The following DEPDC1B variants were observed in gnomAD, a reference collection of about 807,000 sequenced individuals.
DEPDC1B encodes the protein DEP domain containing 1B, also known as DEP domain-containing protein 1B.
Under a neutral mutation model 66.5 loss-of-function variants are expected in DEPDC1B, and 51 were observed. That is an observed-to-expected ratio of 0.77 (90% CI 0.61 to 0.97). The LOEUF is 0.97. Among genes scored for constraint, DEPDC1B ranks in the 50% least tolerant of loss-of-function variants. DEPDC1B has a pLI of 0.00. For missense variants in DEPDC1B, 552 were observed against 637.1 expected, an observed-to-expected ratio of 0.87 and a Z score of 1.44; for synonymous variants, 226 against 223.6, an observed-to-expected ratio of 1.01 and a Z score of -0.10.
intron 2 of DEPDC1B, among the ~76,000 whole-genome samples, chr5:60,679,549 A>G (rs1754245914): frequency 6.6e-6 from 1 of 152,226 alleles, no homozygotes; most frequent in Non-Finnish European, 1.5e-5. Context: ...ACAAAAAAGA[A>G]AAAAGAGAAG....
intron 2 of DEPDC1B, among the ~76,000 whole-genome samples, chr5:60,670,023 G>A (rs1296011313): frequency 2.6e-5 from 4 of 151,994 alleles, no homozygotes; most frequent in African/African-American, 4.8e-5. Context: ...GGTGAAAACT[G>A]CACCGAAATA....
At chr5:60,664,761 T>C (rs574215368) in intron 2 of DEPDC1B, among the ~76,000 whole-genome samples, 113 of 152,270 alleles carry the variant, frequency 7.4e-4, no homozygotes, top group African/African-American at 2.5e-3. Flanking sequence ...GCAGAACTAA[T>C]AGCCCTCATT....
chr5:60,599,466 T>C (rs1241744339), intron 9 of DEPDC1B, among the ~76,000 whole-genome samples: 1 of 152,244 alleles, frequency 6.6e-6, no homozygotes, highest in East Asian at 1.9e-4. Context: ...CGGTTTTAAA[T>C]TGGATTTTTA....
At position 60,681,638 on chromosome 5, in the gene DEPDC1B, C is replaced by T. The variant is rs566142334; in HGVS notation, c.314+5324G>A. On this transcript the variant is annotated intron_variant, in intron 2 of 10. Transcript: ENST00000265036. ...AAACCTCCAAAGAGACGCAATCATT[C>T]CCCATTAACATCTCAAAGAAAAGGA... Among the ~76,000 whole-genome samples the T allele has an allele frequency of 2.6e-4, 40 of 152,250 alleles. 1 individual carries two copies. The highest frequency in any genetic ancestry group is 4.0e-4 in the Non-Finnish European group (27 of 68,014).
intron 2 of DEPDC1B, among the ~76,000 whole-genome samples, chr5:60,677,980 T>C (rs146320420): frequency 1.9e-3 from 290 of 152,232 alleles, no homozygotes; most frequent in African/African-American, 6.6e-3. Flanking sequence ...TATTGGGTAG[T>C]GATGAAAGAA....
At chr5:60,662,371 G>C (rs1307892560) in intron 2 of DEPDC1B, among the ~76,000 whole-genome samples, 2 of 152,014 alleles carry the variant, frequency 1.3e-5, no homozygotes, top group Admixed American at 6.6e-5. Flanking sequence ...CTGGGCAACA[G>C]AGTGAGACTC....
intron 7 of DEPDC1B, among the ~76,000 whole-genome samples, chr5:60,618,199 A>AT (rs59679635): frequency 0.72 from 110,001 of 152,098 alleles, 40,995 homozygotes; most frequent in African/African-American, 0.92. Context: ...AAGATCTAAA[A>AT]TGACACCCTA....
intron 2 of DEPDC1B, among the ~76,000 whole-genome samples, chr5:60,668,085 TTA>T (rs373220679): frequency 0.045 from 2,016 of 44,496 alleles, 152 homozygotes; most frequent in East Asian, 0.11. Context: ...AATGGATATT[TTA>T]TATATATATA....
At chr5:60,631,623 T>C (rs1289557380) in intron 7 of DEPDC1B, among the ~76,000 whole-genome samples, 1 of 152,248 alleles carries the variant, frequency 6.6e-6, no homozygotes. Flanking sequence ...TTATTTCTCA[T>C]CCTGATAAGT....
At chr5:60,665,762 A>G (rs1231733422) in intron 2 of DEPDC1B, among the ~76,000 whole-genome samples, 1 of 152,240 alleles carries the variant, frequency 6.6e-6, no homozygotes, top group African/African-American at 2.4e-5. Flanking sequence ...TAGCTGGGAA[A>G]GGTGACTGCA....
chr5:60,608,020 T>C (rs182498397), intron 7 of DEPDC1B, among the ~76,000 whole-genome samples: 6 of 152,288 alleles, frequency 3.9e-5, no homozygotes, highest in Non-Finnish European at 8.8e-5. Context: ...CACTGGTGGG[T>C]TCTGAACAGA....
chr5:60,667,971 T>A (rs1351898816), intron 2 of DEPDC1B, among the ~76,000 whole-genome samples: 5 of 119,506 alleles, frequency 4.2e-5, no homozygotes, highest in Admixed American at 1.9e-4. Flanking sequence ...AATGGATATT[T>A]TATATATATA....
intron 2 of DEPDC1B, among the ~76,000 whole-genome samples, chr5:60,660,929 T>C (rs1412665783): frequency 6.6e-6 from 1 of 152,192 alleles, no homozygotes; most frequent in African/African-American, 2.4e-5. Context: ...CAGTAATTAA[T>C]AGGGAAACTC....
chr5:60,624,858 T>G (rs986300857), intron 7 of DEPDC1B, among the ~76,000 whole-genome samples: 3 of 151,896 alleles, frequency 2.0e-5, no homozygotes, highest in Non-Finnish European at 2.9e-5. Context: ...TAATGTCAAC[T>G]ACATTAGGTA....
At chr5:60,629,768 A>G (rs1752883388) in intron 7 of DEPDC1B, among the ~76,000 whole-genome samples, 1 of 152,182 alleles carries the variant, frequency 6.6e-6, no homozygotes, top group African/African-American at 2.4e-5. Context: ...CATGTTAGAT[A>G]ACAACCCTTT....
At chr5:60,689,807 T>A (rs1754502846) in intron 1 of DEPDC1B, among the ~76,000 whole-genome samples, 1 of 152,002 alleles carries the variant, frequency 6.6e-6, no homozygotes, top group South Asian at 2.1e-4. Flanking sequence ...TTTGAGAGGA[T>A]GAGGTGGGCA....
chr5:60,698,277 G>A lies in DEPDC1B; in HGVS notation c.48+1769C>T, dbSNP rs548819903. 2.0e-5 allele frequency among the ~76,000 whole-genome samples: 3 copies of A among 152,360 alleles called. No individual in the cohort carries two copies. The South Asian group carries it at 6.2e-4, about 32-fold the overall frequency. ...CCATCCTCTCCACATGCACCTCTGT[G>A]GCTTTGCCACCCTGCCCATCAAGAA... On this transcript the variant is annotated intron_variant, in intron 1 of 10. Coordinates refer to ENST00000265036, the MANE Select transcript of DEPDC1B (RefSeq NM_018369.3).
intron 7 of DEPDC1B, chr5:60,628,386 G>C (rs544746221): frequency 2.0e-5 from 3 of 152,208 alleles, no homozygotes; most frequent in African/African-American, 7.2e-5. Context: ...GAAACATGAA[G>C]GTTTTTGAGA....
intron 7 of DEPDC1B, among the ~76,000 whole-genome samples, chr5:60,629,408 G>A (rs995503980): frequency 6.6e-6 from 1 of 152,054 alleles, no homozygotes; most frequent in Non-Finnish European, 1.5e-5. Flanking sequence ...TATTTTTTGA[G>A]CAAACTCCAA....
Sources: allele counts gnomAD v4.1 joint callset (sites outside exome capture counted in the v4.1 genomes callset), GRCh38; gene constraint gnomAD v4.1.1; transcripts MANE v1.5; gene names NCBI Gene and HGNC (gene_info 2026-07-23, HGNC 2026-07-21).